Variants in SLC66A3 observed in about 807,000 individuals in gnomAD.
The protein encoded by SLC66A3 is PQ loop repeat containing 3.
SLC66A3 carries 23 observed loss-of-function variants against 25.5 expected under a neutral mutation model. That is an observed-to-expected ratio of 0.90 (90% CI 0.65 to 1.28). SLC66A3 has a LOEUF of 1.28. SLC66A3 is among the 50% of genes most tolerant of loss of function. The probability of loss-of-function intolerance (pLI) is 0.00; values close to 1 mark genes in which losing one functional copy is unlikely to be tolerated. For missense variants in SLC66A3, 246 were observed against 262.1 expected (o/e 0.94, Z 0.42); for synonymous variants, 108 against 112.6 (o/e 0.96, Z 0.26).
intron 3 of SLC66A3, chr2:11,160,912 A>G (rs1662103565): frequency 4.2e-6 from 3 of 708,230 alleles, no homozygotes; most frequent in African/African-American, 1.8e-5. Context: ...GGGCGGTGCC[A>G]GCAGGCCGAG....
At chr2:11,163,896 C>T (rs1423422059) in intron 3 of SLC66A3, among the ~76,000 whole-genome samples, 1 of 152,232 alleles carries the variant, frequency 6.6e-6, no homozygotes, top group Non-Finnish European at 1.5e-5. Context: ...GAGAAGTCTG[C>T]ATGGTCTAGA....
chr2:11,176,971 A>ATATT (rs768521527), intron 6 of SLC66A3, among the ~76,000 whole-genome samples: 3 of 152,102 alleles, frequency 2.0e-5, no homozygotes, highest in East Asian at 1.9e-4. Flanking sequence ...AAAGTTATAT[A>ATATT]TATTTATTTA....
chr2:11,175,398 T>TGATCGTAAG (rs1420853239), intron 6 of SLC66A3, among the ~76,000 whole-genome samples: 2 of 151,932 alleles, frequency 1.3e-5, no homozygotes, highest in Non-Finnish European at 2.9e-5. Context: ...TGAAGAAGAG[T>TGATCGTAAG]GATCGTAAGG....
intron 6 of SLC66A3, among the ~76,000 whole-genome samples, chr2:11,177,456 CAAA>C (rs371498449): frequency 1.9e-5 from 2 of 107,092 alleles, no homozygotes; most frequent in African/African-American, 7.0e-5. Flanking sequence ...AAGACTGTCT[CAAA>C]AAAAAAAAAA....
Position 11,178,158 on chromosome 2 carries a change from T to C in SLC66A3, c.*330T>C. The C allele has an allele frequency of 5.4e-6, 1 of 184,266 alleles. No individual in the cohort carries two copies. Among genetic ancestry groups the C allele is most frequent in the East Asian group, 1.4e-4 (1 of 7,282 alleles). 11.4% of individuals were successfully genotyped at this position (184,266 alleles called of 1,614,324 possible). ...TTCTCTATGAAGAACTACATTGATT[T>C]GTTGGCTTTCAGAATCTTTTAGGAA... On this transcript the variant is annotated 3_prime_UTR_variant, in exon 7 of 7. Coordinates refer to ENST00000295083, the MANE Select transcript of SLC66A3 (RefSeq NM_152391.5).
At chr2:11,173,138 C>T (rs1662613515) in intron 5 of SLC66A3, among the ~76,000 whole-genome samples, 1 of 152,172 alleles carries the variant, frequency 6.6e-6, no homozygotes, top group South Asian at 2.1e-4. Flanking sequence ...GCTAGGATTA[C>T]AGGCATGAGC....
At chr2:11,169,237 G>A (rs746145891) in intron 4 of SLC66A3, among the ~76,000 whole-genome samples, 14 of 152,092 alleles carry the variant, frequency 9.2e-5, no homozygotes, top group Admixed American at 2.6e-4. Flanking sequence ...TTATCATCAC[G>A]TTTGCCAGAC....
chr2:11,177,582 G>T (rs1204417085), intron 6 of SLC66A3, among the ~76,000 whole-genome samples, 155 bp from the exon 7 acceptor site: 1 of 152,194 alleles, frequency 6.6e-6, no homozygotes, highest in Non-Finnish European at 1.5e-5. Flanking sequence ...AAATTGTCAT[G>T]ATAGGGAGAT....
chr2:11,175,911 A>G (rs1662723276), intron 6 of SLC66A3, among the ~76,000 whole-genome samples: 1 of 152,210 alleles, frequency 6.6e-6, no homozygotes, highest in Admixed American at 6.5e-5. Flanking sequence ...GAACAGAGAT[A>G]TGTTTGTTAG....
chr2:11,176,298 C>A (rs1175408109), intron 6 of SLC66A3, among the ~76,000 whole-genome samples: 1 of 151,852 alleles, frequency 6.6e-6, no homozygotes, highest in Non-Finnish European at 1.5e-5. Flanking sequence ...TCACTGCAAC[C>A]TCTGCCTCCC....
intron 4 of SLC66A3, among the ~76,000 whole-genome samples, chr2:11,169,699 G>A (rs868240200): frequency 6.6e-6 from 1 of 151,872 alleles, no homozygotes; most frequent in Non-Finnish European, 1.5e-5. Flanking sequence ...CCAACCTCGC[G>A]TGTCCAGAAC....
intron 4 of SLC66A3, among the ~76,000 whole-genome samples, chr2:11,168,114 AC>A (rs1662413834): frequency 1.3e-5 from 2 of 152,070 alleles, no homozygotes; most frequent in South Asian, 4.1e-4. Flanking sequence ...CCTCGTCTCT[AC>A]TAAAAATATA....
intron 6 of SLC66A3, among the ~76,000 whole-genome samples, chr2:11,176,025 T>C (rs1662726766): frequency 6.6e-6 from 1 of 152,126 alleles, no homozygotes; most frequent in Non-Finnish European, 1.5e-5. Context: ...AAGTGGGAAA[T>C]GGGAAGGAAG....
chr2:11,172,668 G>A (rs1456996852), intron 5 of SLC66A3: 1 of 354,472 alleles, frequency 2.8e-6, no homozygotes, highest in South Asian at 2.2e-5. Context: ...CTCCATCCAT[G>A]GTTGCTGGTC....
At chr2:11,172,699 TG>T (rs1662596851) in intron 5 of SLC66A3, 1 of 416,600 alleles carries the variant, frequency 2.4e-6, no homozygotes, top group South Asian at 1.8e-5. Flanking sequence ...ACAAGTTACT[TG>T]TCTTAATTAT....
chr2:11,157,492 T>A lies in SLC66A3; in HGVS notation c.143+1803T>A, dbSNP rs191600934. Among the ~76,000 whole-genome samples the A allele has an allele frequency of 7.0e-3, 1,063 of 152,234 alleles. 14 individuals carry two copies. Among genetic ancestry groups the A allele is most frequent in the African/African-American group, 0.024 (1,007 of 41,550 alleles). On this transcript the variant is annotated intron_variant, in intron 1 of 6. Coordinates refer to ENST00000295083, the MANE Select transcript of SLC66A3 (RefSeq NM_152391.5). The stretch of plus-strand genomic sequence containing the variant: ...CTCCCTGCCTGCCTCCCTCATGCCC[T>A]TCCCAGCCTTGCCTGGGAGGCCCAC...
intron 5 of SLC66A3, chr2:11,172,799 C>CA (rs1318543656): frequency 2.3e-6 from 1 of 425,772 alleles, no homozygotes; most frequent in East Asian, 7.8e-5. Flanking sequence ...GATCTTCACT[C>CA]ACTGCGGGTT....
rs1299546291 is a variant in SLC66A3 at position 11,155,513 on chromosome 2, C to T, written c.-34C>T. On this transcript the variant is annotated 5_prime_UTR_variant, in exon 1 of 7. Transcript: ENST00000295083. The stretch of plus-strand genomic sequence containing the variant: ...GCCGAGGCTGAGCGGTCCCTTCTCG[C>T]TGCGGCCGCCCAGGTGCCCGCGCCC... The T allele has an allele frequency of 6.8e-7, 1 of 1,476,538 alleles. No individual in the cohort carries two copies. Among genetic ancestry groups the T allele is most frequent in the South Asian group, 1.3e-5 (1 of 78,082 alleles). The allele number at this position is 1,476,538 out of a possible 1,614,324, so 91.5% of individuals were successfully genotyped here. A position where few individuals can be genotyped will look rare whatever the true frequency, so the allele number is the denominator to read the frequency against.
intron 1 of SLC66A3, chr2:11,160,160 A>T (rs1032021416): frequency 2.3e-6 from 1 of 443,500 alleles, no homozygotes; most frequent in African/African-American, 2.0e-5. Context: ...GCCCAGTCTC[A>T]TATTCTTGCT....
Sources: allele counts gnomAD v4.1 joint callset (sites outside exome capture counted in the v4.1 genomes callset), GRCh38; gene constraint gnomAD v4.1.1; transcripts MANE v1.5; gene names NCBI Gene and HGNC (gene_info 2026-07-23, HGNC 2026-07-21).